Variants in NPSR1 observed in about 807,000 individuals in gnomAD.
NPSR1 encodes the protein neuropeptide S receptor 1.
Under a neutral mutation model 46.9 loss-of-function variants are expected in NPSR1, and 48 were observed. That is an observed-to-expected ratio of 1.02 (90% CI 0.81 to 1.30). The LOEUF (loss-of-function observed/expected upper bound fraction) is 1.30. NPSR1 is among the 50% of genes most tolerant of loss of function. The pLI is 0.00. For synonymous variants in NPSR1, 176 were observed against 168.1 expected (o/e 1.05, Z -0.36); for missense variants, 450 against 449.5 (o/e 1.00, Z -0.01).
At chr7:34,710,445 GC>G (rs1448590383) in intron 2 of NPSR1, among the ~76,000 whole-genome samples, 1 of 152,190 alleles carries the variant, frequency 6.6e-6, no homozygotes, top group Non-Finnish European at 1.5e-5. Context: ...TTTAGCAAGA[GC>G]TAAAAGAGTT....
chr7:34,761,523 T>C (rs1786173198), intron 2 of NPSR1, among the ~76,000 whole-genome samples: 1 of 152,208 alleles, frequency 6.6e-6, no homozygotes, highest in Non-Finnish European at 1.5e-5. Flanking sequence ...TACAAGCGTG[T>C]ACCTGATTGC....
chr7:34,662,101 A>T (rs556344028), intron 1 of NPSR1, among the ~76,000 whole-genome samples: 28 of 152,226 alleles, frequency 1.8e-4, no homozygotes, highest in Non-Finnish European at 3.8e-4. Context: ...AATTATCTAA[A>T]TTATAAAATA....
intron 2 of NPSR1, among the ~76,000 whole-genome samples, chr7:34,690,531 T>C (rs1333367801): frequency 2.0e-5 from 3 of 152,164 alleles, no homozygotes; most frequent in East Asian, 3.9e-4. Flanking sequence ...AAGAGATAGA[T>C]ACCACTAAAA....
intron 5 of NPSR1, among the ~76,000 whole-genome samples, chr7:34,832,261 T>G (rs1790155345): frequency 6.6e-6 from 1 of 152,174 alleles, no homozygotes; most frequent in Admixed American, 6.5e-5. Flanking sequence ...AAGCCAAGTG[T>G]GGTGACTCAC....
At chr7:34,680,102 A>G (rs907900052) in intron 1 of NPSR1, among the ~76,000 whole-genome samples, 3 of 152,178 alleles carry the variant, frequency 2.0e-5, no homozygotes, top group African/African-American at 7.2e-5. Context: ...TATGCATAAC[A>G]AGAATGCCTT....
intron 4 of NPSR1, among the ~76,000 whole-genome samples, chr7:34,819,058 A>T (rs1290356989): frequency 1.3e-5 from 2 of 152,244 alleles, no homozygotes; most frequent in Non-Finnish European, 2.9e-5. Context: ...CAAAAGCCAA[A>T]ATTGACAAAT....
In NPSR1 at chr7:34,790,568, T is replaced by A. The variant is rs539251685; in HGVS notation, c.384+12003T>A. Among the ~76,000 whole-genome samples the A allele has an allele frequency of 1.1e-4, 17 of 150,386 alleles. No homozygotes were observed. The South Asian group carries it at 3.5e-3, about 31-fold the overall frequency. On this transcript the variant is annotated intron_variant, in intron 3 of 8. Transcript: ENST00000360581. ...AAAAGAAAAAAGAAAGGCATTCACA[T>A]CAGAAAGGACAAACTTAAATTTTCT... is the stretch of plus-strand genomic sequence containing the variant.
chr7:34,813,795 G>T (rs537975084), intron 4 of NPSR1, among the ~76,000 whole-genome samples: 1 of 152,314 alleles, frequency 6.6e-6, no homozygotes, highest in African/African-American at 2.4e-5. Flanking sequence ...ATGCAAGGTG[G>T]TAATTTTTAC....
In NPSR1 at chr7:34,806,063, T is replaced by C. The variant is rs185238485; in HGVS notation, c.385-5707T>C. On this transcript the variant is annotated intron_variant, in intron 3 of 8. Coordinates refer to ENST00000360581, the MANE Select transcript of NPSR1 (RefSeq NM_207172.2). ...GATGAGGATGAATATTAACAGGAACTTTCATTCATTGCTGCTGGGAATTCA... is the reference window on the plus strand; with the variant it reads ...GATGAGGATGAATATTAACAGGAACCTTCATTCATTGCTGCTGGGAATTCA... 3.3e-3 allele frequency among the ~76,000 whole-genome samples: 509 copies of C among 152,162 alleles called. 4 individuals are homozygous for C. Among genetic ancestry groups the C allele is most frequent in the Non-Finnish European group, 5.9e-3 (401 of 67,890 alleles).
At chr7:34,751,395 G>A in intron 2 of NPSR1, 2 of 1,026,850 alleles carry the variant, frequency 1.9e-6, no homozygotes, top group East Asian at 2.4e-5. Flanking sequence ...AGTTGTTGTA[G>A]ACTTTAAGCA....
intron 2 of NPSR1, among the ~76,000 whole-genome samples, chr7:34,708,768 A>C (rs1398644290): frequency 6.6e-6 from 1 of 152,216 alleles, no homozygotes; most frequent in Non-Finnish European, 1.5e-5. Context: ...TTATGAAGTT[A>C]TACATTTAGC....
chr7:34,859,106 T>C (rs1310586631), intron 8 of NPSR1, among the ~76,000 whole-genome samples: 1 of 151,582 alleles, frequency 6.6e-6, no homozygotes, highest in Admixed American at 6.5e-5. Flanking sequence ...TGGGTCTTGG[T>C]TACATACAGA....
chr7:34,717,178 G>T (rs892637570), intron 2 of NPSR1, among the ~76,000 whole-genome samples: 14 of 152,294 alleles, frequency 9.2e-5, no homozygotes, highest in African/African-American at 3.4e-4. Flanking sequence ...TGTTGCCCAG[G>T]CTGCAGTGCA....
chr7:34,720,015 C>T (rs958397543), intron 2 of NPSR1, among the ~76,000 whole-genome samples: 7 of 151,486 alleles, frequency 4.6e-5, no homozygotes, highest in Non-Finnish European at 7.4e-5. Context: ...GGCATGGTGG[C>T]GCACGCCTGT....
chr7:34,791,744 G>T (rs1787893304), intron 3 of NPSR1, among the ~76,000 whole-genome samples: 1 of 152,066 alleles, frequency 6.6e-6, no homozygotes, highest in African/African-American at 2.4e-5. Context: ...AATTGCCAGT[G>T]TTAACTTGAG....
chr7:34,747,424 A>C (rs17198624), intron 2 of NPSR1, among the ~76,000 whole-genome samples: 22,711 of 152,236 alleles, frequency 0.15, 1,813 homozygotes, highest in Non-Finnish European at 0.17. Flanking sequence ...CAGGGATCAG[A>C]AGAATGTACT....
chr7:34,758,481 A>C (rs919199479), intron 2 of NPSR1, among the ~76,000 whole-genome samples: 2 of 152,174 alleles, frequency 1.3e-5, no homozygotes, highest in Non-Finnish European at 2.9e-5. Flanking sequence ...CATGTTGCCC[A>C]TATCTTCAGT....
chr7:34,869,096 T>C (rs1035519671), intron 8 of NPSR1, among the ~76,000 whole-genome samples: 2 of 151,736 alleles, frequency 1.3e-5, no homozygotes, highest in Non-Finnish European at 2.9e-5. Flanking sequence ...TTCAAGGTTC[T>C]GGGGAAATGA....
chr7:34,771,483 A>C (rs1786682269), intron 2 of NPSR1, among the ~76,000 whole-genome samples: 1 of 152,104 alleles, frequency 6.6e-6, no homozygotes, highest in African/African-American at 2.4e-5. Context: ...TTATCTCCCT[A>C]GTTTTCTAAA....
Sources: allele counts gnomAD v4.1 joint callset (sites outside exome capture counted in the v4.1 genomes callset), GRCh38; gene constraint gnomAD v4.1.1; transcripts MANE v1.5; gene names NCBI Gene and HGNC (gene_info 2026-07-23, HGNC 2026-07-21).